The following NAPA variants were observed in gnomAD, a reference collection of about 807,000 sequenced individuals.
The protein encoded by NAPA is NSF attachment protein alpha.
In NAPA, 18 loss-of-function variants were observed where a neutral mutation model predicts 48.0. The ratio of observed to expected loss-of-function variants is 0.38; its 90% CI spans 0.26 to 0.56. NAPA has a LOEUF of 0.56. Among genes scored for constraint, NAPA ranks in the 20% least tolerant of loss-of-function variants. The pLI is 0.77. For missense variants in NAPA, 315 were observed against 385.0 expected, an observed-to-expected ratio of 0.82 and a Z score of 1.52; for synonymous variants, 152 against 149.9, an observed-to-expected ratio of 1.01 and a Z score of -0.10.
chr19:47,503,306 G>A (rs534598560), intron 2 of NAPA, 117 bp downstream of exon 2: 31 of 913,140 alleles, frequency 3.4e-5, no homozygotes, highest in East Asian at 2.2e-4. Context: ...TTCCGATGCC[G>A]GAGAGGGCAT....
chr19:47,491,131 G>A (rs1416521374), intron 8 of NAPA: 11 of 396,912 alleles, frequency 2.8e-5, no homozygotes, highest in Non-Finnish European at 4.6e-5. Flanking sequence ...ACCTGGCTCA[G>A]CTGGGGCAGG....
rs199807527 is a variant in NAPA at position 47,495,567 on chromosome 19, C to T, written c.325G>A (p.Glu109Lys). ...EAINCLMRAI[E>K]IYTDMGRFTI... is the part of the protein sequence containing the mutation. Reference sequence around the variant, plus strand: ...GCCCTTACCATGTCTGTGTAGATCTCGATTGCTCGCATCAAACAGTTAATG... The same window carrying T: ...GCCCTTACCATGTCTGTGTAGATCTTGATTGCTCGCATCAAACAGTTAATG... Residue 109 changes from glutamate to lysine, a missense_variant, in exon 4 of 11, where the codon GAG becomes AAG. Glu to Lys is a moderately conservative substitution (Grantham distance 56). Transcript: ENST00000263354. The T allele has an allele frequency of 2.5e-6, 4 of 1,613,776 alleles. No individual in the cohort carries two copies. Among genetic ancestry groups the T allele is most frequent in the Non-Finnish European group, 3.4e-6 (4 of 1,179,914 alleles).
intron 1 of NAPA, among the ~76,000 whole-genome samples, chr19:47,504,769 A>T (rs978854814): frequency 6.6e-6 from 1 of 152,054 alleles, no homozygotes; most frequent in Non-Finnish European, 1.5e-5. Context: ...AAGTATTAGG[A>T]TTTATATTTG....
At chr19:47,497,205 T>C (rs377023770) in intron 3 of NAPA, 8 of 182,894 alleles carry the variant, frequency 4.4e-5, no homozygotes, top group African/African-American at 1.7e-4. Context: ...GGCTGCTCAC[T>C]GGTTCACTCT....
rs1476577573 is a variant in NAPA at position 47,487,698 on chromosome 19, A to T, written c.*590T>A. Reference sequence around the variant, plus strand: ...GCCAGCTGCAGCTTCCAACCAAGAAAACCTCAAAGCATTAGGGAAGGAGCA... The same window carrying T: ...GCCAGCTGCAGCTTCCAACCAAGAATACCTCAAAGCATTAGGGAAGGAGCA... On this transcript the variant is annotated 3_prime_UTR_variant, in exon 11 of 11. Transcript: ENST00000263354. 1 of 152,470 alleles carries T rather than the reference A, an allele frequency of 6.6e-6. No homozygotes were observed. The allele number at this position is 152,470 out of a possible 1,614,324, so 9.4% of individuals were successfully genotyped here. A position where few individuals can be genotyped will look rare whatever the true frequency, so the allele number is the denominator to read the frequency against.
rs369261713 is a variant in NAPA at position 47,488,268 on chromosome 19, A to C, written c.*20T>G. The C allele has an allele frequency of 6.3e-7, 1 of 1,595,718 alleles. No homozygotes were observed. The highest frequency in any genetic ancestry group is 8.6e-7 in the Non-Finnish European group (1 of 1,165,906). Reference sequence around the variant, plus strand: ...GAGCAGATGGGACAGGAAGACGGGCACTGGGGGGCTGGGTGGGGCTTAGCG... The same window carrying C: ...GAGCAGATGGGACAGGAAGACGGGCCCTGGGGGGCTGGGTGGGGCTTAGCG... On this transcript the variant is annotated 3_prime_UTR_variant, in exon 11 of 11. Transcript: ENST00000263354.
At chr19:47,490,385 G>T (rs1280639259) in intron 9 of NAPA, among the ~76,000 whole-genome samples, 2 of 146,402 alleles carry the variant, frequency 1.4e-5, no homozygotes, top group African/African-American at 5.1e-5. Context: ...AGTGTGTGTG[G>T]GGTGTGTGGG....
chr19:47,493,644 G>A lies in NAPA; in HGVS notation c.343-151C>T. The A allele has an allele frequency of 2.9e-6, 2 of 684,356 alleles. No individual in the cohort carries two copies. The highest frequency in any genetic ancestry group is 3.3e-5 in the South Asian group (2 of 60,674). The allele number at this position is 684,356 out of a possible 1,614,324, so 42.4% of individuals were successfully genotyped here. On this transcript the variant is annotated intron_variant, in intron 4 of 10. Coordinates refer to ENST00000263354, the MANE Select transcript of NAPA (RefSeq NM_003827.4). The surrounding 1 kb of genome is among the most constrained non-coding windows in gnomAD (Gnocchi z 6.4). ...GGTGTGAAGAAGATCGAGAGGTGGG[G>A]GAACACAGGAGTGAGAAGGGAGGGC...
At chr19:47,513,846 CTTTTTTTTTTTT>C (rs776314156) in intron 1 of NAPA, among the ~76,000 whole-genome samples, 7 of 115,856 alleles carry the variant, frequency 6.0e-5, no homozygotes, top group South Asian at 5.2e-4. Context: ...TTCTTTCTTT[CTTTTTTTTTTTT>C]TTTTTTTTTG....
chr19:47,512,076 C>T (rs1205261735), intron 1 of NAPA, among the ~76,000 whole-genome samples: 1 of 152,144 alleles, frequency 6.6e-6, no homozygotes, highest in African/African-American at 2.4e-5. Flanking sequence ...GTTCCATCTT[C>T]CTAAGGCATG....
downstream of NAPA, among the ~76,000 whole-genome samples, chr19:47,485,145 C>T (rs1441398598): frequency 6.6e-6 from 1 of 152,190 alleles, no homozygotes; most frequent in African/African-American, 2.4e-5. Flanking sequence ...TAATCTGATT[C>T]CTTACAACTG....
intron 1 of NAPA, 141 bp downstream of exon 1, chr19:47,514,702 G>T: frequency 4.0e-6 from 3 of 759,196 alleles, no homozygotes; most frequent in African/African-American, 1.8e-5. Context: ...CCCCTCTGCC[G>T]CCTCAGGCCA....
At chr19:47,509,255 G>C (rs1045235592) in intron 1 of NAPA, among the ~76,000 whole-genome samples, 2 of 149,188 alleles carry the variant, frequency 1.3e-5, no homozygotes, top group Non-Finnish European at 3.0e-5. Flanking sequence ...CTGCCACCCA[G>C]GAATGGGAAT....
rs1216002087 is a variant in NAPA, at chr19:47,488,371, T to A, written c.805A>T (p.Ile269Phe). 1.2e-6 allele frequency: 2 copies of A among 1,613,398 alleles called. No homozygotes were observed. Among genetic ancestry groups the A allele is most frequent in the East Asian group, 4.5e-5 (2 of 44,824 alleles). ...GTGAGCCACTGGTCCAGCCGGGAGA[T>A]GGAGTCGTATTCCTTCACCTGAGGG... Reference protein sequence around the residue: ...YTESVKEYDSISRLDQWLTTM... With the variant: ...YTESVKEYDSFSRLDQWLTTM... Residue 269 changes from isoleucine to phenylalanine, a missense_variant, in exon 11 of 11, where the codon ATC (isoleucine) becomes TTC (phenylalanine). Physicochemically the swap from Ile to Phe is conservative, Grantham distance 21 (BLOSUM62 0). Coordinates refer to ENST00000263354, the MANE Select transcript of NAPA (RefSeq NM_003827.4).
chr19:47,492,223 C>T lies in NAPA; in HGVS notation c.562-104G>A, dbSNP rs956682588. 1.0e-5 allele frequency: 10 copies of T among 992,674 alleles called. No individual in the cohort carries two copies. The South Asian group carries it at 1.3e-4, about 13-fold the overall frequency. The allele number at this position is 992,674 out of a possible 1,614,324, so 61.5% of individuals were successfully genotyped here. ...GCCAGCTGGGAGCTGGTTCATGTCC[C>T]GAGGTGAGGCCCTGTTAACCCAGGA... On this transcript the variant is annotated intron_variant, in intron 7 of 10. Transcript: ENST00000263354.
chr19:47,502,605 A>T (rs2122762899), intron 2 of NAPA, among the ~76,000 whole-genome samples: 1 of 152,284 alleles, frequency 6.6e-6, no homozygotes, highest in Non-Finnish European at 1.5e-5. Context: ...CCACAGTCAG[A>T]AGTTCCTCCC....
downstream of NAPA, among the ~76,000 whole-genome samples, chr19:47,486,963 T>C (rs577563544): frequency 6.6e-5 from 10 of 152,220 alleles, no homozygotes; most frequent in Non-Finnish European, 1.3e-4. Flanking sequence ...TTTCCCATCA[T>C]GCCTGGGCAC....
chr19:47,490,646 C>CAAAACA (rs1555757087), intron 9 of NAPA, 142 bp downstream of exon 9: 67 of 524,130 alleles, frequency 1.3e-4, no homozygotes, highest in Non-Finnish European at 1.7e-4. Context: ...CTCAAATGGC[C>CAAAACA]AAACAAAACA....
At chr19:47,494,757 A>AAAG (rs1555758025) in intron 4 of NAPA, among the ~76,000 whole-genome samples, 9 of 145,784 alleles carry the variant, frequency 6.2e-5, no homozygotes, top group East Asian at 2.1e-4. Flanking sequence ...AAAAAAAAAA[A>AAAG]AGAGAGAGAG....
Sources: gnomAD v4.1 joint callset for allele counts (sites outside exome capture counted in the v4.1 genomes callset) on GRCh38, gnomAD v4.1.1 for gene constraint, Gnocchi (gnomAD v3.1) non-coding constraint, MANE v1.5 for transcripts, NCBI Gene and HGNC (gene_info 2026-07-23, HGNC 2026-07-21) for gene names.